The following RALYL variants were observed in gnomAD, a reference collection of about 807,000 sequenced individuals.
The protein encoded by RALYL is RALY RNA binding protein like, also known as RNA-binding Raly-like protein.
Under a neutral mutation model 35.1 loss-of-function variants are expected in RALYL, and 29 were observed. The ratio of observed to expected loss-of-function variants is 0.83; its 90% CI spans 0.61 to 1.13. The LOEUF (loss-of-function observed/expected upper bound fraction) is 1.13, where lower values mean the gene tolerates loss of function less well. Among genes scored for constraint, RALYL ranks in the 50% most tolerant of loss-of-function variants. RALYL has a pLI of 0.00. For missense variants in RALYL, 359 were observed against 360.4 expected (o/e 1.00, Z 0.03); for synonymous variants, 120 against 127.6 (o/e 0.94, Z 0.40).
chr8:84,818,763 A>G (rs942279087), intron 4 of RALYL, among the ~76,000 whole-genome samples: 1 of 152,220 alleles, frequency 6.6e-6, no homozygotes, highest in African/African-American at 2.4e-5. Flanking sequence ...AAGTTCAGGC[A>G]TGACTTGAAA....
chr8:84,234,250 C>G (rs1343883913), intron 1 of RALYL, among the ~76,000 whole-genome samples: 6 of 152,158 alleles, frequency 3.9e-5, no homozygotes, highest in African/African-American at 9.7e-5. Context: ...TTAGCTTTGG[C>G]AGATTGGCCC....
chr8:84,655,158 A>C (rs1829718288), intron 2 of RALYL, among the ~76,000 whole-genome samples: 3 of 152,060 alleles, frequency 2.0e-5, no homozygotes, highest in Admixed American at 6.6e-5. Flanking sequence ...ACAATATCTC[A>C]TTGTAGTTTT....
chr8:84,352,538 T>A (rs2131095248), intron 1 of RALYL, among the ~76,000 whole-genome samples: 1 of 150,412 alleles, frequency 6.6e-6, no homozygotes, highest in South Asian at 2.1e-4. Flanking sequence ...TCAGACAACT[T>A]AATAACTTTC....
At chr8:84,514,530 C>T (rs977130816) in intron 1 of RALYL, among the ~76,000 whole-genome samples, 1 of 152,152 alleles carries the variant, frequency 6.6e-6, no homozygotes, top group East Asian at 1.9e-4. Flanking sequence ...AAGTTGTGTA[C>T]TCACACAGTG....
At chr8:84,698,401 T>C (rs1172368861) in intron 2 of RALYL, among the ~76,000 whole-genome samples, 1 of 152,094 alleles carries the variant, frequency 6.6e-6, no homozygotes, top group Non-Finnish European at 1.5e-5. Flanking sequence ...GGGGTGATGA[T>C]GTAAAATTAT....
intron 1 of RALYL, among the ~76,000 whole-genome samples, chr8:84,235,404 A>T (rs1370944745): frequency 6.6e-6 from 1 of 152,226 alleles, no homozygotes; most frequent in Non-Finnish European, 1.5e-5. Context: ...CTTTTACTTC[A>T]TGTACCAATT....
chr8:84,736,912 T>C (rs952068552), intron 2 of RALYL, among the ~76,000 whole-genome samples: 3 of 152,080 alleles, frequency 2.0e-5, no homozygotes, highest in Middle Eastern at 3.2e-3. Context: ...TTGTGTTTTC[T>C]TTTCCTAAAT....
At chr8:84,586,340 A>G (rs1286983603) in intron 2 of RALYL, among the ~76,000 whole-genome samples, 1 of 152,196 alleles carries the variant, frequency 6.6e-6, no homozygotes, top group African/African-American at 2.4e-5. Context: ...TTCAATTTTC[A>G]TGTAAGAAAA....
At chr8:84,265,783 C>A (rs1022319968) in intron 1 of RALYL, among the ~76,000 whole-genome samples, 1 of 152,186 alleles carries the variant, frequency 6.6e-6, no homozygotes, top group African/African-American at 2.4e-5. Context: ...ATAGTACCAT[C>A]CTTTACCTAA....
intron 1 of RALYL, among the ~76,000 whole-genome samples, chr8:84,486,219 A>G (rs148679121): frequency 3.6e-4 from 54 of 151,164 alleles, no homozygotes; most frequent in African/African-American, 9.4e-4. Flanking sequence ...ATAAGTAATC[A>G]GAATAGCCAG....
intron 2 of RALYL, among the ~76,000 whole-genome samples, chr8:84,567,354 C>T (rs975798400): frequency 3.3e-5 from 5 of 151,752 alleles, no homozygotes; most frequent in Admixed American, 2.0e-4. Flanking sequence ...TTTTCAAACT[C>T]ACCCTCTACC....
At chr8:84,452,519 A>G (rs2049611795) in intron 1 of RALYL, among the ~76,000 whole-genome samples, 1 of 151,914 alleles carries the variant, frequency 6.6e-6, no homozygotes, top group African/African-American at 2.4e-5. Context: ...TCTCACTAGT[A>G]AAAAATAAAG....
At chr8:84,718,059 G>A (rs1175181914) in intron 2 of RALYL, among the ~76,000 whole-genome samples, 1 of 151,828 alleles carries the variant, frequency 6.6e-6, no homozygotes, top group Non-Finnish European at 1.5e-5. Context: ...CTCCCCTATG[G>A]GTATTTGTCA....
intron 2 of RALYL, among the ~76,000 whole-genome samples, chr8:84,701,234 T>C (rs933049244): frequency 6.6e-6 from 1 of 152,150 alleles, no homozygotes; most frequent in African/African-American, 2.4e-5. Flanking sequence ...GAAGCCCTGA[T>C]TGAAGCCCCT....
chr8:84,475,902 A>G (rs1254726643), intron 1 of RALYL, among the ~76,000 whole-genome samples: 1 of 152,230 alleles, frequency 6.6e-6, no homozygotes, highest in Non-Finnish European at 1.5e-5. Context: ...ATTACAATCC[A>G]GAAGTTTTTA....
intron 1 of RALYL, among the ~76,000 whole-genome samples, chr8:84,410,024 T>C (rs1586937009): frequency 6.6e-6 from 1 of 152,070 alleles, no homozygotes; most frequent in Non-Finnish European, 1.5e-5. Flanking sequence ...GTAAATATAA[T>C]GAGCTGAAAC....
At chr8:84,281,957 C>A (rs1027333528) in intron 1 of RALYL, among the ~76,000 whole-genome samples, 1 of 152,062 alleles carries the variant, frequency 6.6e-6, no homozygotes, top group Non-Finnish European at 1.5e-5. Flanking sequence ...TGATGCTACT[C>A]TTCTATTTGT....
intron 2 of RALYL, among the ~76,000 whole-genome samples, chr8:84,642,976 A>G (rs1826705546): frequency 6.6e-6 from 1 of 151,808 alleles, no homozygotes; most frequent in Non-Finnish European, 1.5e-5. Flanking sequence ...AGGTGGAGGG[A>G]GCTAAGGATG....
At chr8:84,739,008 G>T (rs535399957) in intron 2 of RALYL, among the ~76,000 whole-genome samples, 1 of 151,876 alleles carries the variant, frequency 6.6e-6, no homozygotes, top group East Asian at 1.9e-4. Flanking sequence ...GTGAATACAC[G>T]TCATGAAGAT....
Sources: gnomAD v4.1 joint callset for allele counts (sites outside exome capture counted in the v4.1 genomes callset) on GRCh38, gnomAD v4.1.1 for gene constraint, MANE v1.5 for transcripts, NCBI Gene and HGNC (gene_info 2026-07-23, HGNC 2026-07-21) for gene names.